WDFY3: variants seen among roughly 807,000 people sequenced by gnomAD.
WDFY3 encodes the protein WD repeat and FYVE domain-containing protein 3.
Under a neutral mutation model 409.6 loss-of-function variants are expected in WDFY3, and 66 were observed. The observed-to-expected ratio is 0.16, with a 90% CI of 0.13 to 0.20. The LOEUF is 0.20. WDFY3 is among the 10% of genes least tolerant of loss of function. The probability of loss-of-function intolerance (pLI) is 1.00; values close to 1 mark genes in which losing one functional copy is unlikely to be tolerated. For missense variants in WDFY3, 3,031 were observed against 4,298.1 expected (o/e 0.71, Z 8.24); for synonymous variants, 1,521 against 1,537.1 (o/e 0.99, Z 0.25).
chr4:84,921,305 G>A (rs1175179348), intron 2 of WDFY3, among the ~76,000 whole-genome samples: 1 of 151,350 alleles, frequency 6.6e-6, no homozygotes, highest in East Asian at 1.9e-4. Flanking sequence ...AAGCATAGAA[G>A]GGAAAAGAAA....
intron 35 of WDFY3, among the ~76,000 whole-genome samples, chr4:84,753,114 G>A (rs1740825702): frequency 6.6e-6 from 1 of 152,106 alleles, no homozygotes; most frequent in Non-Finnish European, 1.5e-5. Context: ...CAGGAAACCA[G>A]GCAGCATTTT....
intron 2 of WDFY3, among the ~76,000 whole-genome samples, chr4:84,921,813 C>T (rs1034094506): frequency 3.3e-5 from 5 of 151,426 alleles, no homozygotes; most frequent in African/African-American, 7.3e-5. Context: ...CCTGCCACCA[C>T]GCCCGGCTAA....
rs559835999 is a variant in WDFY3, at chr4:84,884,448, G to T, written c.-32+12463C>A. 2.0e-5 allele frequency among the ~76,000 whole-genome samples: 3 copies of T among 151,938 alleles called. No individual in the cohort carries two copies. The South Asian group carries it at 6.2e-4, about 32-fold the overall frequency. On this transcript the variant is annotated intron_variant, in intron 3 of 67. Coordinates refer to ENST00000295888, the MANE Select transcript of WDFY3 (RefSeq NM_014991.6). ...AATAACTCATTTAATTTCAAATCCAGATGTCTCCTGAAAAGCAAAATCTAA... is the reference window on the plus strand; with the variant it reads ...AATAACTCATTTAATTTCAAATCCATATGTCTCCTGAAAAGCAAAATCTAA...
intron 52 of WDFY3, 62 bp from the exon 53 acceptor site, chr4:84,709,090 A>G (rs1448097457): frequency 6.3e-7 from 1 of 1,585,462 alleles, no homozygotes; most frequent in Non-Finnish European, 8.6e-7. Context: ...TCAGCTTTTA[A>G]AATTTTATAT....
chr4:84,858,123 A>G (rs1458797789), intron 4 of WDFY3, among the ~76,000 whole-genome samples: 1 of 152,202 alleles, frequency 6.6e-6, no homozygotes, highest in East Asian at 1.9e-4. Context: ...CGTAACAAAA[A>G]CAATAATAGA....
intron 1 of WDFY3, among the ~76,000 whole-genome samples, chr4:84,946,555 G>C (rs1772853487): frequency 6.6e-6 from 1 of 152,038 alleles, no homozygotes; most frequent in African/African-American, 2.4e-5. Flanking sequence ...TCAATACATG[G>C]GATAGCAGGG....
intron 51 of WDFY3, among the ~76,000 whole-genome samples, chr4:84,712,663 C>T (rs778634718): frequency 1.3e-5 from 2 of 151,880 alleles, no homozygotes; most frequent in Non-Finnish European, 2.9e-5. Flanking sequence ...TTGCAGTGAG[C>T]CAAGACGTGC....
At chr4:84,937,513 T>C (rs1771578313) in intron 1 of WDFY3, among the ~76,000 whole-genome samples, 1 of 152,166 alleles carries the variant, frequency 6.6e-6, no homozygotes, top group Admixed American at 6.6e-5. Flanking sequence ...TCAAAGTCTG[T>C]ATTGTCCCTC....
intron 36 of WDFY3, among the ~76,000 whole-genome samples, chr4:84,747,965 T>C (rs577111277): frequency 6.6e-6 from 1 of 152,246 alleles, no homozygotes; most frequent in Non-Finnish European, 1.5e-5. Flanking sequence ...GTCTCGGGTA[T>C]GTCTTTATTA....
At chr4:84,737,419 A>G (rs1737638287) in intron 40 of WDFY3, 53 bp from the exon 41 acceptor site, 2 of 1,487,814 alleles carry the variant, frequency 1.3e-6, no homozygotes, top group African/African-American at 2.8e-5. Context: ...ATCAAAACAC[A>G]GTATAAAGTT....
At chr4:84,713,265 T>A in intron 50 of WDFY3, 26 bp from the exon 51 acceptor site, 2 of 1,599,026 alleles carry the variant, frequency 1.3e-6, no homozygotes, top group Non-Finnish European at 1.7e-6. Context: ...TAGCGTAAAA[T>A]TACAAGTGAA....
chr4:84,739,998 T>C (rs1209661954), intron 39 of WDFY3, among the ~76,000 whole-genome samples, 189 bp downstream of exon 39: 2 of 151,712 alleles, frequency 1.3e-5, no homozygotes, highest in Non-Finnish European at 2.9e-5. Flanking sequence ...GAAAACTAAG[T>C]TAAAGGAAAA....
intron 3 of WDFY3, among the ~76,000 whole-genome samples, chr4:84,890,345 C>A (rs1764781317): frequency 1.3e-5 from 2 of 152,194 alleles, no homozygotes; most frequent in Non-Finnish European, 2.9e-5. Flanking sequence ...AGATATCCAC[C>A]TGCCTTGGCC....
In WDFY3 at chr4:84,844,406, T is replaced by C. The variant is rs1438059743; in HGVS notation, c.305-3143A>G. ...ACAATATTAGAACTCACAGCTTCCATGCTTCTTTTCATTTGACAATATATA... is the reference window on the plus strand; with the variant it reads ...ACAATATTAGAACTCACAGCTTCCACGCTTCTTTTCATTTGACAATATATA... On this transcript the variant is annotated intron_variant, in intron 5 of 67. Transcript: ENST00000295888. The C allele has an allele frequency of 3.9e-6, 5 of 1,276,808 alleles. No homozygotes were observed. The East Asian group carries it at 1.7e-4, about 43-fold the overall frequency. 79.1% of individuals were successfully genotyped at this position (1,276,808 alleles called of 1,614,324 possible).
intron 39 of WDFY3, 85 bp downstream of exon 39, chr4:84,740,102 T>C (rs912225429): frequency 2.3e-6 from 3 of 1,324,140 alleles, no homozygotes; most frequent in Admixed American, 3.9e-5. Context: ...GTAAAAGAAA[T>C]GTTACTATCA....
rs1389519442 is a variant in WDFY3, at chr4:84,698,671, A to G, written c.8597-1848T>C. Among the ~76,000 whole-genome samples the G allele has an allele frequency of 2.0e-5, 3 of 151,948 alleles. No homozygotes were observed. The East Asian group carries it at 5.8e-4, about 29-fold the overall frequency. On this transcript the variant is annotated intron_variant, in intron 56 of 67. Coordinates refer to ENST00000295888, the MANE Select transcript of WDFY3 (RefSeq NM_014991.6). ...TTACTTATCTCATAGCAAGGGGAAAAAAAAATCCAAGTGCTTTTTCTTTCT... is the reference window on the plus strand; with the variant it reads ...TTACTTATCTCATAGCAAGGGGAAAGAAAAATCCAAGTGCTTTTTCTTTCT...
At chr4:84,909,442 A>T (rs1457333622) in intron 2 of WDFY3, among the ~76,000 whole-genome samples, 2 of 152,090 alleles carry the variant, frequency 1.3e-5, no homozygotes, top group Non-Finnish European at 2.9e-5. Context: ...AAAATAAAAA[A>T]AAATTCATAT....
intron 36 of WDFY3, among the ~76,000 whole-genome samples, chr4:84,746,454 A>T (rs1209748225): frequency 6.6e-6 from 1 of 152,202 alleles, no homozygotes; most frequent in Non-Finnish European, 1.5e-5. Flanking sequence ...AACGTACAGA[A>T]ATGCTTGGTG....
rs919971410 is a variant in WDFY3 at position 84,682,235 on chromosome 4, C to A, written c.9823+139G>T. ...CTTGCATGTCTGCTCAAAGGAATCA[C>A]ACAACAGGCAGCAACCATGCTTCTC... On this transcript the variant is annotated intron_variant, in intron 64 of 67. Coordinates refer to ENST00000295888, the MANE Select transcript of WDFY3 (RefSeq NM_014991.6). The A allele has an allele frequency of 5.7e-6, 4 of 695,682 alleles. No individual in the cohort carries two copies. In the East Asian group the frequency reaches 8.3e-5, roughly 14 times the overall value. The allele number at this position is 695,682 out of a possible 1,614,324, so 43.1% of individuals were successfully genotyped here.
Sources: allele counts gnomAD v4.1 joint callset (sites outside exome capture counted in the v4.1 genomes callset), GRCh38; gene constraint gnomAD v4.1.1; transcripts MANE v1.5; gene names NCBI Gene and HGNC (gene_info 2026-07-23, HGNC 2026-07-21).